The following ZNF527 variants were observed in gnomAD, a reference collection of about 807,000 sequenced individuals.
The protein encoded by ZNF527 is zinc finger protein 527.
ZNF527 carries 5 observed loss-of-function variants against 13.5 expected under a neutral mutation model. The ratio of observed to expected loss-of-function variants is 0.37; its 90% CI spans 0.19 to 0.78. The LOEUF is 0.78. Ranked by LOEUF, ZNF527 falls within the 30% of genes least tolerant of loss-of-function variation. The pLI is 0.48. For missense variants in ZNF527, 628 were observed against 726.4 expected (o/e 0.86, Z 1.56); for synonymous variants, 209 against 243.1 (o/e 0.86, Z 1.30).
At chr19:37,385,151 G>A (rs1031489655) in intron 4 of ZNF527, 3 of 458,946 alleles carry the variant, frequency 6.5e-6, no homozygotes, top group African/African-American at 3.9e-5. Flanking sequence ...TTTTCTTACT[G>A]ATTTGTAGTA....
At chr19:37,380,418 A>G (rs1193669227) in intron 4 of ZNF527, 46 bp downstream of exon 4, 1 of 1,530,534 alleles carries the variant, frequency 6.5e-7, no homozygotes, top group Admixed American at 1.7e-5. Flanking sequence ...TAAGGTACTC[A>G]ACCAAGTAGT....
At chr19:37,381,277 T>C (rs1478772872) in intron 4 of ZNF527, among the ~76,000 whole-genome samples, 1 of 152,178 alleles carries the variant, frequency 6.6e-6, no homozygotes, top group Non-Finnish European at 1.5e-5. Context: ...TTACCATCAA[T>C]TGTCTGAGTC....
chr19:37,375,242 TTTTC>T (rs772278647), intron 2 of ZNF527, among the ~76,000 whole-genome samples: 9,917 of 96,924 alleles, frequency 0.1, 707 homozygotes, highest in Middle Eastern at 0.16. Flanking sequence ...CCTTAGTGTA[TTTTC>T]TTTCTTTCTT....
intron 4 of ZNF527, chr19:37,385,338 C>T: frequency 2.5e-6 from 1 of 403,902 alleles, no homozygotes. Flanking sequence ...AGGTCATGCT[C>T]CCCTTCACTG....
intron 2 of ZNF527, among the ~76,000 whole-genome samples, chr19:37,377,134 A>ATTTT (rs2040614923): frequency 6.6e-6 from 1 of 152,134 alleles, no homozygotes; most frequent in Non-Finnish European, 1.5e-5. Flanking sequence ...TTATTTATTT[A>ATTTT]TCTATGTATT....
intron 1 of ZNF527, among the ~76,000 whole-genome samples, chr19:37,372,370 C>G (rs1387107430): frequency 6.6e-6 from 1 of 150,932 alleles, no homozygotes; most frequent in African/African-American, 2.4e-5. Context: ...TTGCCTAGTG[C>G]AAAGTAGTCC....
intron 4 of ZNF527, among the ~76,000 whole-genome samples, chr19:37,381,196 G>A (rs991518477): frequency 2.1e-4 from 32 of 152,134 alleles, no homozygotes; most frequent in Middle Eastern, 3.4e-3. Context: ...ATAATGACTT[G>A]GGAATTTTGT....
intron 2 of ZNF527, among the ~76,000 whole-genome samples, chr19:37,378,201 T>C (rs1257069272): frequency 6.6e-6 from 1 of 152,086 alleles, no homozygotes; most frequent in African/African-American, 2.4e-5. Context: ...CTAATTTTTG[T>C]ATTTTTAGTA....
In ZNF527 at chr19:37,389,863, A is replaced by G; in HGVS notation, c.1814A>G (p.Asn605Ser). ...SALRRHQRIH[N>S]RETL Reference sequence around the variant, plus strand: ...CTTAGACGACATCAGAGAATTCATAATAGAGAAACGCTCTGATTATAACAA... The same window carrying G: ...CTTAGACGACATCAGAGAATTCATAGTAGAGAAACGCTCTGATTATAACAA... Residue 605 changes from asparagine (N) to serine (S), a missense_variant, in exon 5 of 5, where the codon AAT (asparagine) becomes AGT (serine). Around this residue, in one of 3 missense-constraint regions of ZNF527, gnomAD observed 592 missense variants for 678.0 expected, o/e 0.87. Transcript: ENST00000436120. The G allele has an allele frequency of 6.3e-7, 1 of 1,597,278 alleles. No individual in the cohort carries two copies. Among genetic ancestry groups the G allele is most frequent in the Non-Finnish European group, 8.5e-7 (1 of 1,174,380 alleles).
intron 4 of ZNF527, 35 bp downstream of exon 4, chr19:37,380,407 G>T: frequency 6.3e-7 from 1 of 1,583,878 alleles, no homozygotes; most frequent in Non-Finnish European, 8.7e-7. Context: ...GAGGACTATT[G>T]TAAGGTACTC....
At chr19:37,381,146 G>A (rs2040650740) in intron 4 of ZNF527, among the ~76,000 whole-genome samples, 1 of 152,150 alleles carries the variant, frequency 6.6e-6, no homozygotes, top group Non-Finnish European at 1.5e-5. Flanking sequence ...CATATGGCAA[G>A]TTACTTTTTC....
In ZNF527 at chr19:37,380,265, C is replaced by T. The variant is rs2146812296; in HGVS notation, c.161-12C>T. The T allele has an allele frequency of 6.2e-7, 1 of 1,612,584 alleles. No homozygotes were observed. The highest frequency in any genetic ancestry group is 2.2e-5 in the East Asian group (1 of 44,848). ...CTGTCTCTTGCTCTCATTTTTCTTC[C>T]CCTGTGAACAGGACTCTCCATTTCT... On this transcript the variant is annotated splice_polypyrimidine_tract_variant and intron_variant, in intron 3 of 4. Coordinates refer to ENST00000436120, the MANE Select transcript of ZNF527 (RefSeq NM_032453.2).
chr19:37,383,991 C>T (rs183143241), intron 4 of ZNF527, among the ~76,000 whole-genome samples: 9 of 152,094 alleles, frequency 5.9e-5, no homozygotes, highest in African/African-American at 1.7e-4. Context: ...TATATATTGT[C>T]TTATGTTATA....
rs1296614460 is a variant in ZNF527 at position 37,388,892 on chromosome 19, T to C, written c.843T>C (p.Asp281=). The change falls in exon 5 of 5, where the codon GAT becomes GAC. Residue 281 remains aspartate (D), a synonymous_variant. Transcript: ENST00000436120. ...CCCATGGATACGATGAATGTGGTGA[T>C]GCCTTTAGCTGTTACTCATTCTTTA... The part of the protein sequence containing the change: ...KLPHGYDECG[D]AFSCYSFFTQ... The C allele has an allele frequency of 3.1e-6, 5 of 1,614,234 alleles. No homozygotes were observed. The South Asian group carries it at 5.5e-5, about 18-fold the overall frequency.
At chr19:37,382,277 ATAGATAGG>A (rs1291231460) in intron 4 of ZNF527, among the ~76,000 whole-genome samples, 1 of 129,826 alleles carries the variant, frequency 7.7e-6, no homozygotes, top group Non-Finnish European at 1.6e-5. Flanking sequence ...AAACAGATAG[ATAGATAGG>A]TAGATAGATA....
chr19:37,382,792 C>T (rs1000151003), intron 4 of ZNF527, among the ~76,000 whole-genome samples: 18 of 152,204 alleles, frequency 1.2e-4, no homozygotes, highest in Middle Eastern at 3.4e-3. Flanking sequence ...CTGCAAGCTC[C>T]GCCTCCCGGG....
rs2040765194 is a variant in ZNF527, at chr19:37,392,769, C to G, written c.*2890C>G. On this transcript the variant is annotated 3_prime_UTR_variant, in exon 5 of 5. Coordinates refer to ENST00000436120, the MANE Select transcript of ZNF527 (RefSeq NM_032453.2). The stretch of plus-strand genomic sequence containing the variant: ...TAAACCTAAGCTACTGGTTCATTCT[C>G]TGTTTATATAGTTAAACTTCACTTG... 6.6e-6 allele frequency: 1 copy of G among 152,102 alleles called. No homozygotes were observed. The highest frequency in any genetic ancestry group is 1.5e-5 in the Non-Finnish European group (1 of 68,030). The allele number at this position is 152,102 out of a possible 1,614,324, so 9.4% of individuals were successfully genotyped here. A position where few individuals can be genotyped will look rare whatever the true frequency, so the allele number is the denominator to read the frequency against.
chr19:37,373,261 T>G (rs1457760158), intron 1 of ZNF527, among the ~76,000 whole-genome samples: 1 of 152,184 alleles, frequency 6.6e-6, no homozygotes, highest in Non-Finnish European at 1.5e-5. Flanking sequence ...ATGCCACCGA[T>G]TGTGTAAATG....
At chr19:37,374,987 T>C (rs909954060) in intron 2 of ZNF527, among the ~76,000 whole-genome samples, 2 of 152,112 alleles carry the variant, frequency 1.3e-5, no homozygotes, top group Non-Finnish European at 2.9e-5. Context: ...AGACTGGAGA[T>C]AGAAAATGCG....
Sources: gnomAD v4.1 joint callset for allele counts (sites outside exome capture counted in the v4.1 genomes callset) on GRCh38, gnomAD v4.1.1 for gene constraint, gnomAD v4.1.1 regional missense constraint, MANE v1.5 for transcripts, NCBI Gene and HGNC (gene_info 2026-07-23, HGNC 2026-07-21) for gene names.